The following TRPM3 variants were observed in gnomAD, a reference collection of about 807,000 sequenced individuals.
TRPM3 encodes long transient receptor potential channel 3.
Under a neutral mutation model 181.2 loss-of-function variants are expected in TRPM3, and 77 were observed. The ratio of observed to expected loss-of-function variants is 0.42; its 90% CI spans 0.35 to 0.51. TRPM3 has a LOEUF of 0.51. Among genes scored for constraint, TRPM3 ranks in the 20% least tolerant of loss-of-function variants. The pLI, the probability that TRPM3 is intolerant of heterozygous loss-of-function variation, is 0.01. For synonymous variants in TRPM3, 745 were observed against 796.4 expected, an observed-to-expected ratio of 0.94 and a Z score of 1.09; for missense variants, 1,759 against 2,196.7, an observed-to-expected ratio of 0.80 and a Z score of 3.98.
At chr9:71,002,973 G>T (rs560369663) in intron 1 of TRPM3, among the ~76,000 whole-genome samples, 1 of 152,022 alleles carries the variant, frequency 6.6e-6, no homozygotes, top group East Asian at 1.9e-4. Flanking sequence ...TTGGGTCCAG[G>T]ACTCTATCAA....
rs11142610 is a variant in TRPM3 at position 70,834,129 on chromosome 9, G to A, written c.802-6111C>T. Among the ~76,000 whole-genome samples, 1,056 of 152,278 alleles carry A rather than the reference G, an allele frequency of 6.9e-3. 10 individuals are homozygous for A. Among genetic ancestry groups the A allele is most frequent in the African/African-American group, 0.024 (981 of 41,558 alleles). On this transcript the variant is annotated intron_variant, in intron 5 of 25. Transcript: ENST00000677713. ...AGGGTCCTGTTGAAACCCAGATGCC[G>A]CCTTTCAGCTCGGCAATTCAAACAA...
chr9:71,166,312 A>C (rs984653360), intron 1 of TRPM3, among the ~76,000 whole-genome samples: 1 of 152,160 alleles, frequency 6.6e-6, no homozygotes, highest in African/African-American at 2.4e-5. Flanking sequence ...TCAGCAGAGC[A>C]TGAGGTGGAA....
At chr9:71,338,710 T>A (rs541978980) in intron 1 of TRPM3, among the ~76,000 whole-genome samples, 9 of 152,136 alleles carry the variant, frequency 5.9e-5, no homozygotes, top group Non-Finnish European at 1.2e-4. Context: ...AACACCCATT[T>A]CAAATAAAAA....
intron 17 of TRPM3, among the ~76,000 whole-genome samples, chr9:70,617,827 T>C (rs1589371823): frequency 6.6e-6 from 1 of 152,070 alleles, no homozygotes; most frequent in Non-Finnish European, 1.5e-5. Context: ...TAGCCAGGCA[T>C]GGTGGCTTGT....
intron 1 of TRPM3, among the ~76,000 whole-genome samples, chr9:71,271,710 T>C (rs2083807838): frequency 6.6e-6 from 1 of 152,014 alleles, no homozygotes; most frequent in South Asian, 2.1e-4. Flanking sequence ...CTGGCGAACG[T>C]ACCTCCATGG....
intron 1 of TRPM3, among the ~76,000 whole-genome samples, chr9:71,443,965 G>A (rs1000628648): frequency 2.6e-5 from 4 of 152,050 alleles, no homozygotes; most frequent in Admixed American, 2.6e-4. Flanking sequence ...CAGATCACGA[G>A]GTCAGGAGAT....
intron 1 of TRPM3, among the ~76,000 whole-genome samples, chr9:71,395,786 G>GCCTTTTAATACCCTTTAATAC (rs1276357539): frequency 6.6e-6 from 1 of 152,192 alleles, no homozygotes; most frequent in Non-Finnish European, 1.5e-5. Flanking sequence ...CAAAGAAAAT[G>GCCTTTTAATACCCTTTAATAC]CCTTTTAATA....
chr9:71,003,050 T>C (rs772537299), intron 1 of TRPM3, among the ~76,000 whole-genome samples: 7 of 152,218 alleles, frequency 4.6e-5, no homozygotes, highest in Non-Finnish European at 1.0e-4. Flanking sequence ...TACTGGCTTT[T>C]ATATTTCTCT....
At chr9:71,363,084 G>C (rs995031626) in intron 1 of TRPM3, among the ~76,000 whole-genome samples, 1 of 152,194 alleles carries the variant, frequency 6.6e-6, no homozygotes, top group Admixed American at 6.5e-5. Context: ...TCGTTTTACT[G>C]TCTGTACTAA....
At chr9:70,634,333 T>C (rs2066481156) in intron 12 of TRPM3, among the ~76,000 whole-genome samples, 1 of 152,120 alleles carries the variant, frequency 6.6e-6, no homozygotes, top group Non-Finnish European at 1.5e-5. Flanking sequence ...CAGGCTGGCC[T>C]TGAACTCGAC....
intron 1 of TRPM3, among the ~76,000 whole-genome samples, chr9:71,024,979 G>T (rs2097882049): frequency 6.6e-6 from 1 of 152,166 alleles, no homozygotes; most frequent in Non-Finnish European, 1.5e-5. Context: ...GCTGCTTGGA[G>T]AGGGAAACTG....
intron 1 of TRPM3, among the ~76,000 whole-genome samples, chr9:70,962,513 A>G (rs917593629): frequency 2.0e-5 from 3 of 152,106 alleles, no homozygotes; most frequent in African/African-American, 7.2e-5. Context: ...TACCTCTTTC[A>G]CTCACCTATG....
chr9:70,788,238 C>T (rs1295567111), intron 6 of TRPM3, among the ~76,000 whole-genome samples: 1 of 146,480 alleles, frequency 6.8e-6, no homozygotes, highest in Non-Finnish European at 1.5e-5. Flanking sequence ...GTTCAATTCC[C>T]ACCTTTATGG....
At chr9:71,328,181 T>TGTTC (rs1380280198) in intron 1 of TRPM3, among the ~76,000 whole-genome samples, 1 of 152,266 alleles carries the variant, frequency 6.6e-6, no homozygotes, top group East Asian at 1.9e-4. Flanking sequence ...TTTGTTTGTT[T>TGTTC]TGAGATGGAG....
chr9:71,110,147 T>C (rs1462966808), intron 1 of TRPM3, among the ~76,000 whole-genome samples: 2 of 152,102 alleles, frequency 1.3e-5, no homozygotes, highest in Non-Finnish European at 2.9e-5. Context: ...CCTCAGACAC[T>C]GAGCAGTTTC....
chr9:71,214,923 A>C (rs1202060093), intron 1 of TRPM3, among the ~76,000 whole-genome samples: 2 of 151,648 alleles, frequency 1.3e-5, no homozygotes, highest in East Asian at 3.9e-4. Flanking sequence ...TTCCAGGTAA[A>C]TTCTGCTGTC....
Position 70,744,801 on chromosome 9 carries a change from T to A in TRPM3, c.1272+16800A>T, listed in dbSNP as rs1171974110. ...GATTGTTCTGGGAATAAAGAGAAAA[T>A]GGGCTCCTACTTTACCGTCATTTTA... On this transcript the variant is annotated intron_variant, in intron 8 of 25. Transcript: ENST00000677713. Among the ~76,000 whole-genome samples, 3 of 152,240 alleles carry A rather than the reference T, an allele frequency of 2.0e-5. No individual in the cohort carries two copies. The East Asian group carries it at 5.8e-4, about 29-fold the overall frequency.
chr9:70,640,412 GAGCTC>G, intron 10 of TRPM3, 143 bp downstream of exon 10: 1 of 524,340 alleles, frequency 1.9e-6, no homozygotes, highest in South Asian at 3.8e-5. Context: ...ATGAGAAAGG[GAGCTC>G]AGGATACAGA....
At chr9:70,753,702 G>A (rs2076579500) in intron 8 of TRPM3, among the ~76,000 whole-genome samples, 1 of 152,158 alleles carries the variant, frequency 6.6e-6, no homozygotes, top group South Asian at 2.1e-4. Context: ...CCAGGTTCAG[G>A]TTCAATATGA....
Sources: gnomAD v4.1 joint callset for allele counts (sites outside exome capture counted in the v4.1 genomes callset) on GRCh38, gnomAD v4.1.1 for gene constraint, MANE v1.5 for transcripts, NCBI Gene and HGNC (gene_info 2026-07-23, HGNC 2026-07-21) for gene names.